Variants in BCL6B observed in about 807,000 individuals in gnomAD.
The protein encoded by BCL6B is BCL6B transcription repressor.
A neutral mutation model predicts 44.6 loss-of-function variants in BCL6B; 28 were observed. The observed-to-expected ratio is 0.63, with a 90% CI of 0.47 to 0.86. The LOEUF is 0.86. Among genes scored for constraint, BCL6B ranks in the 40% least tolerant of loss-of-function variants. BCL6B has a pLI of 0.00. For missense variants in BCL6B, 626 were observed against 652.3 expected, an observed-to-expected ratio of 0.96 and a Z score of 0.44; for synonymous variants, 268 against 263.6, an observed-to-expected ratio of 1.02 and a Z score of -0.16.
In BCL6B at chr17:7,026,612, G is replaced by C. The variant is rs1241246383; in HGVS notation, c.1045G>C (p.Val349Leu). 1.2e-6 allele frequency: 2 copies of C among 1,614,146 alleles called. No individual in the cohort carries two copies. The highest frequency in any genetic ancestry group is 1.1e-5 in the South Asian group (1 of 91,090). Residue 349 changes from valine (V) to leucine (L), a missense_variant, in exon 6 of 9, where the codon GTG becomes CTG. By Grantham distance (32) the Val-to-Leu change is conservative. Coordinates refer to ENST00000293805, the MANE Select transcript of BCL6B (RefSeq NM_181844.4). ...YKGNLASHRTVHTGEKPYHCS... is the reference protein window; with the variant it reads ...YKGNLASHRTLHTGEKPYHCS... ...GGGCAACCTTGCCAGTCATCGTACA[G>C]TGCACACAGGTAGGGGAAGAGAGGG...
intron 8 of BCL6B, 64 bp from the exon 9 acceptor site, chr17:7,027,439 C>A: frequency 6.3e-7 from 1 of 1,587,702 alleles, no homozygotes; most frequent in Non-Finnish European, 8.6e-7. Flanking sequence ...GGACGGCCGC[C>A]CGGCTCAACA....
In BCL6B at chr17:7,027,774, G is replaced by T. The variant is rs1269744442; in HGVS notation, c.*155G>T. On this transcript the variant is annotated 3_prime_UTR_variant, in exon 9 of 9. Coordinates refer to ENST00000293805, the MANE Select transcript of BCL6B (RefSeq NM_181844.4). ...TAATTTCTCACTGGGGAGAGCAGGG[G>T]TGGCAGATCCTGGCTAGATCTGCCT... is the stretch of plus-strand genomic sequence containing the variant. The T allele has an allele frequency of 6.9e-7, 1 of 1,452,416 alleles. No homozygotes were observed. Among genetic ancestry groups the T allele is most frequent in the Admixed American group, 2.6e-5 (1 of 38,078 alleles). 90.0% of individuals were successfully genotyped at this position (1,452,416 alleles called of 1,614,324 possible).
rs559453382 is a variant in BCL6B at position 7,023,909 on chromosome 17, G to A, written c.179+59G>A. 168 of 1,577,312 alleles carry A rather than the reference G, an allele frequency of 1.1e-4. 1 individual carries two copies. The African/African-American group carries it at 2.0e-3, about 19-fold the overall frequency. ...GGGAAAGGGGTGGGACCACAGGGCC[G>A]TTGAGAGGGAATCCGAAGCCAAGTC... On this transcript the variant is annotated intron_variant, in intron 2 of 8. Transcript: ENST00000293805.
At position 7,023,661 on chromosome 17, in the gene BCL6B, C is replaced by T. The variant is rs1399358627; in HGVS notation, c.-11C>T. ...GAGCACTTTCCACGGCCTCTACAGG[C>T]CTGTGTCGCTATGGGTTCCCCCGCC... is the stretch of plus-strand genomic sequence containing the variant. On this transcript the variant is annotated splice_region_variant and 5_prime_UTR_variant, in exon 2 of 9. Coordinates refer to ENST00000293805, the MANE Select transcript of BCL6B (RefSeq NM_181844.4). 6.2e-7 allele frequency: 1 copy of T among 1,609,986 alleles called. No homozygotes were observed. Among genetic ancestry groups the T allele is most frequent in the South Asian group, 1.1e-5 (1 of 90,526 alleles).
At position 7,027,867 on chromosome 17, in the gene BCL6B, C is replaced by T; in HGVS notation, c.*248C>T. ...TTCTGAGGAGAGAGCTAGCTAGGGG[C>T]TGGGAAAGGGGAGAGATTGGAGTCC... On this transcript the variant is annotated 3_prime_UTR_variant, in exon 9 of 9. Transcript: ENST00000293805. 7.3e-7 allele frequency: 1 copy of T among 1,368,120 alleles called. No homozygotes were observed. The highest frequency in any genetic ancestry group is 9.4e-7 in the Non-Finnish European group (1 of 1,058,662). The allele number at this position is 1,368,120 out of a possible 1,614,324, so 84.7% of individuals were successfully genotyped here. A position where few individuals can be genotyped will look rare whatever the true frequency, so the allele number is the denominator to read the frequency against.
chr17:7,024,652 C>T lies in BCL6B; in HGVS notation c.653C>T (p.Ser218Phe), dbSNP rs371832540. 2.5e-6 allele frequency: 4 copies of T among 1,613,948 alleles called. No individual in the cohort carries two copies. The highest frequency in any genetic ancestry group is 2.5e-6 in the Non-Finnish European group (3 of 1,180,006). ...QAGSLVGERSSGQPCPQARLP... is the reference protein window; with the variant it reads ...QAGSLVGERSFGQPCPQARLP... ...GGGAGCCTGGTCGGGGAGAGAAGTT[C>T]TGGTCAACCTTGCCCCCAAGCCAGG... is the stretch of plus-strand genomic sequence containing the variant. Residue 218 changes from serine to phenylalanine, a missense_variant, in exon 4 of 9, where the codon TCT becomes TTT. Ser to Phe is a radical substitution (Grantham distance 155). Coordinates refer to ENST00000293805, the MANE Select transcript of BCL6B (RefSeq NM_181844.4). This position sits in a 1 kb window ranked among gnomAD's most constrained non-coding sequence, Gnocchi z 6.6.
In BCL6B at chr17:7,029,196, G is replaced by A; in HGVS notation, c.*1577G>A. Reference sequence around the variant, plus strand: ...AAGTAGGATTAAGAGGTTGGTTGAGGGGTGCAGTTTCTGGTGTAGGCCAGG... The same window carrying A: ...AAGTAGGATTAAGAGGTTGGTTGAGAGGTGCAGTTTCTGGTGTAGGCCAGG... On this transcript the variant is annotated 3_prime_UTR_variant, in exon 9 of 9. Coordinates refer to ENST00000293805, the MANE Select transcript of BCL6B (RefSeq NM_181844.4). The A allele has an allele frequency of 2.0e-6, 2 of 985,952 alleles. No individual in the cohort carries two copies. Among genetic ancestry groups the A allele is most frequent in the South Asian group, 9.4e-5 (2 of 21,310 alleles). The allele number at this position is 985,952 out of a possible 1,614,324, so 61.1% of individuals were successfully genotyped here.
rs1910200193 is a variant in BCL6B at position 7,023,917 on chromosome 17, G to A, written c.179+67G>A. The A allele has an allele frequency of 4.5e-6, 7 of 1,569,656 alleles. 1 individual carries two copies. The Middle Eastern group carries it at 6.1e-4, about 138-fold the overall frequency. On this transcript the variant is annotated intron_variant, in intron 2 of 8. Coordinates refer to ENST00000293805, the MANE Select transcript of BCL6B (RefSeq NM_181844.4). ...GGTGGGACCACAGGGCCGTTGAGAG[G>A]GAATCCGAAGCCAAGTCTTTCAGAA...
Position 7,029,381 on chromosome 17 carries a change from G to C in BCL6B, c.*1762G>C, listed in dbSNP as rs1910393200. 1.0e-6 allele frequency: 1 copy of C among 996,124 alleles called. No homozygotes were observed. The highest frequency in any genetic ancestry group is 1.2e-6 in the Non-Finnish European group (1 of 835,998). The allele number at this position is 996,124 out of a possible 1,614,324, so 61.7% of individuals were successfully genotyped here. A position where few individuals can be genotyped will look rare whatever the true frequency, so the allele number is the denominator to read the frequency against. On this transcript the variant is annotated 3_prime_UTR_variant, in exon 9 of 9. Coordinates refer to ENST00000293805, the MANE Select transcript of BCL6B (RefSeq NM_181844.4). ...GAAAGTAAGAAGCACTTTTGAATTT[G>C]TGGGGTAGAACTTCAACAATAAGTC...
At position 7,024,835 on chromosome 17, in the gene BCL6B, T is replaced by C. The variant is rs1910239641; in HGVS notation, c.764+72T>C. 2.0e-6 allele frequency: 3 copies of C among 1,512,950 alleles called. No homozygotes were observed. Among genetic ancestry groups the C allele is most frequent in the African/African-American group, 1.4e-5 (1 of 71,988 alleles). 93.7% of individuals were successfully genotyped at this position (1,512,950 alleles called of 1,614,324 possible). A position where few individuals can be genotyped will look rare whatever the true frequency, so the allele number is the denominator to read the frequency against. On this transcript the variant is annotated intron_variant, in intron 4 of 8. Coordinates refer to ENST00000293805, the MANE Select transcript of BCL6B (RefSeq NM_181844.4). The surrounding 1 kb of genome is among the most constrained non-coding windows in gnomAD (Gnocchi z 6.6). ...AGAAGACAGAGTCATTGGGCCTTGA[T>C]GGTCAGGAGGAAGGGAGATAGGTGG...
rs1463958888 is a variant in BCL6B at position 7,023,707 on chromosome 17, C to A, written c.36C>A (p.Gly12=). ...GSPAAPEGAL[G]YVREFTRHSS... is the part of the protein sequence containing the mutation. ...CCGCCGCCCCGGAGGGAGCGCTGGG[C>A]TACGTCCGCGAGTTCACTCGCCACT... Residue 12 remains glycine (G), a synonymous_variant, in exon 2 of 9, where the codon GGC becomes GGA. Coordinates refer to ENST00000293805, the MANE Select transcript of BCL6B (RefSeq NM_181844.4). The A allele has an allele frequency of 4.3e-6, 7 of 1,613,050 alleles. No homozygotes were observed. Among genetic ancestry groups the A allele is most frequent in the Middle Eastern group, 1.7e-4 (1 of 6,058 alleles).
In BCL6B at chr17:7,024,922, G is replaced by C. The variant is rs1264240779; in HGVS notation, c.765-154G>C. ...GCCAGAGACCAGGTTTATTCAGCAGGGTGGCACTTGGGCAGTACAATGGAT... is the reference window on the plus strand; with the variant it reads ...GCCAGAGACCAGGTTTATTCAGCAGCGTGGCACTTGGGCAGTACAATGGAT... On this transcript the variant is annotated intron_variant, in intron 4 of 8. Coordinates refer to ENST00000293805, the MANE Select transcript of BCL6B (RefSeq NM_181844.4). The surrounding 1 kb of genome is among the most constrained non-coding windows in gnomAD (Gnocchi z 6.6). Among the ~76,000 whole-genome samples the C allele has an allele frequency of 6.6e-6, 1 of 152,150 alleles. No individual in the cohort carries two copies. The highest frequency in any genetic ancestry group is 2.4e-5 in the African/African-American group (1 of 41,426).
chr17:7,028,817 G>A lies in BCL6B; in HGVS notation c.*1198G>A. 1 of 985,408 alleles carries A rather than the reference G, an allele frequency of 1.0e-6. No individual in the cohort carries two copies. Among genetic ancestry groups the A allele is most frequent in the South Asian group, 4.7e-5 (1 of 21,290 alleles). 61.0% of individuals were successfully genotyped at this position (985,408 alleles called of 1,614,324 possible). ...TGTTAACCCATCCTTTACTACAGAG[G>A]CATATGGGTTTGAATGTTACCTGGG... is the stretch of plus-strand genomic sequence containing the variant. On this transcript the variant is annotated 3_prime_UTR_variant, in exon 9 of 9. Transcript: ENST00000293805.
Position 7,023,895 on chromosome 17 carries a change from G to A in BCL6B, c.179+45G>A, listed in dbSNP as rs1910199280. ...GGGCGGGGCCAAATGGGAAAGGGGT[G>A]GGACCACAGGGCCGTTGAGAGGGAA... On this transcript the variant is annotated intron_variant, in intron 2 of 8. Transcript: ENST00000293805. The A allele has an allele frequency of 6.3e-6, 10 of 1,595,900 alleles. No homozygotes were observed. The South Asian group carries it at 1.1e-4, about 18-fold the overall frequency.
In BCL6B at chr17:7,027,866, G is replaced by T. The variant is rs905089619; in HGVS notation, c.*247G>T. On this transcript the variant is annotated 3_prime_UTR_variant, in exon 9 of 9. Transcript: ENST00000293805. ...TTTCTGAGGAGAGAGCTAGCTAGGG[G>T]CTGGGAAAGGGGAGAGATTGGAGTC... 9.5e-6 allele frequency: 13 copies of T among 1,370,268 alleles called. No individual in the cohort carries two copies. Among genetic ancestry groups the T allele is most frequent in the Admixed American group, 3.1e-5 (1 of 32,104 alleles). The allele number at this position is 1,370,268 out of a possible 1,614,324, so 84.9% of individuals were successfully genotyped here.
At chr17:7,025,946 G>A (rs762327195) in intron 5 of BCL6B, among the ~76,000 whole-genome samples, 12 of 151,760 alleles carry the variant, frequency 7.9e-5, no homozygotes, top group Non-Finnish European at 1.8e-4. Context: ...TTTTTGAGAC[G>A]GAGTCTCACT....
rs568588238 is a variant in BCL6B at position 7,026,923 on chromosome 17, C to G, written c.1186-27C>G. 3.7e-6 allele frequency: 6 copies of G among 1,611,314 alleles called. No homozygotes were observed. In the South Asian group the frequency reaches 5.5e-5, roughly 15 times the overall value. On this transcript the variant is annotated intron_variant, in intron 7 of 8. Coordinates refer to ENST00000293805, the MANE Select transcript of BCL6B (RefSeq NM_181844.4). ...GGGAGGGTTCTGTTCCTCCCAGAGGCAGGACTTGAAGTCTCCTCCCTCCCA... is the reference window on the plus strand; with the variant it reads ...GGGAGGGTTCTGTTCCTCCCAGAGGGAGGACTTGAAGTCTCCTCCCTCCCA...
Position 7,025,186 on chromosome 17 carries a change from C to T in BCL6B, c.875C>T (p.Ala292Val), listed in dbSNP as rs1286917895. ...ACCTCTGGATCACCCTCTGAACGGG[C>T]TCGTCCACTACCGGGTAAGAGCCCC... ...QDTSGSPSER[A>V]RPLPGSEFFS... Residue 292 changes from alanine (A) to valine (V), a missense_variant, in exon 5 of 9, where the codon GCT becomes GTT. Physicochemically the swap from Ala to Val is moderately conservative, Grantham distance 64. Coordinates refer to ENST00000293805, the MANE Select transcript of BCL6B (RefSeq NM_181844.4). 6.2e-7 allele frequency: 1 copy of T among 1,614,152 alleles called. No individual in the cohort carries two copies. The highest frequency in any genetic ancestry group is 8.5e-7 in the Non-Finnish European group (1 of 1,180,012).
At position 7,027,669 on chromosome 17, in the gene BCL6B, A is replaced by G. The variant is rs1389091842; in HGVS notation, c.*50A>G. 18 of 1,607,670 alleles carry G rather than the reference A, an allele frequency of 1.1e-5. No individual in the cohort carries two copies. The South Asian group carries it at 2.0e-4, about 18-fold the overall frequency. On this transcript the variant is annotated 3_prime_UTR_variant, in exon 9 of 9. Coordinates refer to ENST00000293805, the MANE Select transcript of BCL6B (RefSeq NM_181844.4). ...TGCTTCCTGCGGGTGGGAAAGCTGC[A>G]GGCCCAGGCCTTGCTTCCCTATCAG... is the stretch of plus-strand genomic sequence containing the variant.
Sources: allele counts gnomAD v4.1 joint callset (sites outside exome capture counted in the v4.1 genomes callset), GRCh38; gene constraint gnomAD v4.1.1; non-coding constraint Gnocchi (gnomAD v3.1); transcripts MANE v1.5; gene names NCBI Gene and HGNC (gene_info 2026-07-23, HGNC 2026-07-21).